The following MAGI2 variants were observed in gnomAD, a reference collection of about 807,000 sequenced individuals.
MAGI2 encodes the protein membrane-associated guanylate kinase, WW and PDZ domain-containing protein 2.
MAGI2 carries 35 observed loss-of-function variants against 133.3 expected under a neutral mutation model. The ratio of observed to expected loss-of-function variants is 0.26; its 90% CI spans 0.20 to 0.35. The LOEUF (loss-of-function observed/expected upper bound fraction) is 0.35. Ranked by LOEUF, MAGI2 falls within the 10% of genes least tolerant of loss-of-function variation. The pLI is 1.00. For missense variants in MAGI2, 1,636 were observed against 1,863.4 expected (o/e 0.88, Z 2.25); for synonymous variants, 729 against 710.6 (o/e 1.03, Z -0.41).
intron 1 of MAGI2, among the ~76,000 whole-genome samples, chr7:79,016,359 C>T (rs545011676): frequency 1.7e-4 from 26 of 152,124 alleles, no homozygotes; most frequent in Non-Finnish European, 3.5e-4. Context: ...GTGACCCCAG[C>T]TAGGCCTGAT....
chr7:79,321,022 G>A (rs1462455436), intron 1 of MAGI2, among the ~76,000 whole-genome samples: 1 of 152,140 alleles, frequency 6.6e-6, no homozygotes, highest in Non-Finnish European at 1.5e-5. Flanking sequence ...CAACTGCTGT[G>A]AGTATATTTA....
In MAGI2 at chr7:79,140,181, T is replaced by C. The variant is rs536414234; in HGVS notation, c.302-132975A>G. On this transcript the variant is annotated intron_variant, in intron 1 of 21. Coordinates refer to ENST00000354212, the MANE Select transcript of MAGI2 (RefSeq NM_012301.4). ...ATGAAAGCCCATCACATTTGCTAGC[T>C]TAAAGCAATTTTTATTTGTCACTGT... 2.3e-4 allele frequency among the ~76,000 whole-genome samples: 35 copies of C among 152,328 alleles called. No individual in the cohort carries two copies. In the East Asian group the frequency reaches 6.4e-3, roughly 28 times the overall value.
At chr7:78,358,816 C>T (rs902630612) in intron 7 of MAGI2, 8 of 179,202 alleles carry the variant, frequency 4.5e-5, no homozygotes, top group East Asian at 1.5e-4. Context: ...CCACAAAGAA[C>T]GTGGAGAAGA....
intron 1 of MAGI2, among the ~76,000 whole-genome samples, chr7:79,154,794 G>T (rs2129547241): frequency 6.6e-6 from 1 of 152,110 alleles, no homozygotes; most frequent in Middle Eastern, 3.4e-3. Flanking sequence ...TTCTAACATG[G>T]TACCTGTCTG....
intron 3 of MAGI2, among the ~76,000 whole-genome samples, chr7:78,551,894 G>A (rs569840677): frequency 5.2e-4 from 79 of 152,166 alleles, no homozygotes; most frequent in African/African-American, 1.8e-3. Flanking sequence ...ACAGGAATGC[G>A]CCACCACGCC....
chr7:78,867,749 A>G (rs193187585), intron 2 of MAGI2, among the ~76,000 whole-genome samples: 70 of 152,302 alleles, frequency 4.6e-4, no homozygotes, highest in Non-Finnish European at 9.1e-4. Flanking sequence ...GGTGATTGTC[A>G]TGGTGGGAGA....
At chr7:78,546,295 CACT>C (rs1201277438) in intron 3 of MAGI2, among the ~76,000 whole-genome samples, 1 of 152,164 alleles carries the variant, frequency 6.6e-6, no homozygotes, top group Non-Finnish European at 1.5e-5. Context: ...CTACCACCAC[CACT>C]ATCATTATTG....
intron 2 of MAGI2, among the ~76,000 whole-genome samples, chr7:78,644,581 G>A (rs192335349): frequency 1.7e-4 from 26 of 152,180 alleles, no homozygotes; most frequent in Middle Eastern, 3.4e-3. Context: ...AAATAAAAAG[G>A]TAATTACAAA....
At chr7:78,882,635 T>A (rs1249089273) in intron 2 of MAGI2, among the ~76,000 whole-genome samples, 1 of 151,872 alleles carries the variant, frequency 6.6e-6, no homozygotes, top group African/African-American at 2.4e-5. Flanking sequence ...ACAAAATCAA[T>A]GTGCACATCA....
At chr7:78,627,823 A>G (rs1808535548) in intron 2 of MAGI2, among the ~76,000 whole-genome samples, 1 of 152,216 alleles carries the variant, frequency 6.6e-6, no homozygotes. Context: ...AGAATTGTGT[A>G]ATAATTAAAT....
chr7:79,214,571 A>G (rs1451193931), intron 1 of MAGI2, among the ~76,000 whole-genome samples: 1 of 142,060 alleles, frequency 7.0e-6, no homozygotes, highest in East Asian at 2.0e-4. Flanking sequence ...TTTTACAAGG[A>G]TATCGGATAG....
At chr7:78,891,054 C>T (rs1002228184) in intron 2 of MAGI2, among the ~76,000 whole-genome samples, 38 of 152,034 alleles carry the variant, frequency 2.5e-4, no homozygotes, top group African/African-American at 6.3e-4. Context: ...ATATCACCAC[C>T]GATCCCACAG....
rs186783543 is a variant in MAGI2 at position 78,564,452 on chromosome 7, C to T, written c.539-42807G>A. On this transcript the variant is annotated intron_variant, in intron 3 of 21. Coordinates refer to ENST00000354212, the MANE Select transcript of MAGI2 (RefSeq NM_012301.4). ...TCTGCTCAATGATCCACTTATTTATCAACTTCAATGCTGACAAAGTTTCAG... is the reference window on the plus strand; with the variant it reads ...TCTGCTCAATGATCCACTTATTTATTAACTTCAATGCTGACAAAGTTTCAG... Among the ~76,000 whole-genome samples, 44 of 152,282 alleles carry T rather than the reference C, an allele frequency of 2.9e-4. 1 individual carries two copies. The East Asian group carries it at 6.7e-3, about 23-fold the overall frequency.
intron 2 of MAGI2, among the ~76,000 whole-genome samples, chr7:78,937,134 T>TC (rs1800576483): frequency 6.6e-6 from 1 of 151,592 alleles, no homozygotes; most frequent in Non-Finnish European, 1.5e-5. Context: ...ATAAACGTGC[T>TC]CCCCTAAAAG....
At position 78,689,539 on chromosome 7, in the gene MAGI2, T is replaced by C. The variant is rs562747218; in HGVS notation, c.419-62300A>G. ...TATTTCCATCACCTCAAATGCTTCA[T>C]ACTCCTTCGCAGTTTTCTCTCTGTC... is the stretch of plus-strand genomic sequence containing the variant. On this transcript the variant is annotated intron_variant, in intron 2 of 21. Coordinates refer to ENST00000354212, the MANE Select transcript of MAGI2 (RefSeq NM_012301.4). 3.9e-5 allele frequency among the ~76,000 whole-genome samples: 6 copies of C among 152,304 alleles called. No homozygotes were observed. The South Asian group carries it at 1.2e-3, about 32-fold the overall frequency.
chr7:78,373,748 C>T (rs1048002155), intron 6 of MAGI2, among the ~76,000 whole-genome samples: 5 of 152,096 alleles, frequency 3.3e-5, no homozygotes, highest in Admixed American at 2.0e-4. Flanking sequence ...TTTCCCCCTC[C>T]TTCCCTTCAC....
chr7:78,871,790 T>C (rs183684240), intron 2 of MAGI2, among the ~76,000 whole-genome samples: 1 of 152,038 alleles, frequency 6.6e-6, no homozygotes, highest in Non-Finnish European at 1.5e-5. Context: ...TTAAATGAAC[T>C]CTTTAAGAGT....
rs1831398115 is a variant in MAGI2, at chr7:79,231,830, G to A, written c.301+221190C>T. ...CCCTGGCCAGAACTTCTAACACTATGTTGAATAGGAGTGGTGAGAGAGGGC... is the reference window on the plus strand; with the variant it reads ...CCCTGGCCAGAACTTCTAACACTATATTGAATAGGAGTGGTGAGAGAGGGC... On this transcript the variant is annotated intron_variant, in intron 1 of 21. Coordinates refer to ENST00000354212, the MANE Select transcript of MAGI2 (RefSeq NM_012301.4). Among the ~76,000 whole-genome samples, 4 of 151,464 alleles carry A rather than the reference G, an allele frequency of 2.6e-5. No individual in the cohort carries two copies. In the South Asian group the frequency reaches 8.4e-4, roughly 32 times the overall value.
At chr7:79,335,904 T>C (rs1840405687) in intron 1 of MAGI2, among the ~76,000 whole-genome samples, 4 of 152,088 alleles carry the variant, frequency 2.6e-5, no homozygotes, top group Non-Finnish European at 4.4e-5. Context: ...AATGACTTAA[T>C]GTAATGTCTA....
Sources: allele counts gnomAD v4.1 joint callset (sites outside exome capture counted in the v4.1 genomes callset), GRCh38; gene constraint gnomAD v4.1.1; transcripts MANE v1.5; gene names NCBI Gene and HGNC (gene_info 2026-07-23, HGNC 2026-07-21).